RNF144B: variants seen among roughly 807,000 people sequenced by gnomAD.
RNF144B encodes E3 ubiquitin-protein ligase RNF144B.
A neutral mutation model predicts 40.2 loss-of-function variants in RNF144B; 25 were observed. The observed-to-expected ratio is 0.62, with a 90% CI of 0.45 to 0.87. The LOEUF (loss-of-function observed/expected upper bound fraction) is 0.87. Ranked by LOEUF, RNF144B falls within the 40% of genes least tolerant of loss-of-function variation. The probability of loss-of-function intolerance (pLI) is 0.00; values close to 1 mark genes in which losing one functional copy is unlikely to be tolerated. For synonymous variants in RNF144B, 145 were observed against 136.3 expected (o/e 1.06, Z -0.44); for missense variants, 365 against 373.7 (o/e 0.98, Z 0.19).
intron 2 of RNF144B, among the ~76,000 whole-genome samples, chr6:18,403,956 T>A (rs529976991): frequency 5.1e-4 from 78 of 152,246 alleles, no homozygotes; most frequent in Non-Finnish European, 7.2e-4. Context: ...AAGAACTAAT[T>A]CATTCTCGCC....
rs1043206534 is a variant in RNF144B, at chr6:18,418,232, A to G, written c.166-9349A>G. Among the ~76,000 whole-genome samples the G allele has an allele frequency of 3.3e-5, 5 of 152,202 alleles. No homozygotes were observed. Among genetic ancestry groups the G allele is most frequent in the Non-Finnish European group, 7.3e-5 (5 of 68,030 alleles). ...CATATACCATACCTACTCCTAGGTA[A>G]ATATCCAAGAGAAACGAAAATGTAT... is the stretch of plus-strand genomic sequence containing the variant. On this transcript the variant is annotated intron_variant, in intron 2 of 7. Transcript: ENST00000259939. The surrounding 1 kb of genome is among the most constrained non-coding windows in gnomAD (Gnocchi z 5.2).
At chr6:18,439,408 T>C (rs181206226) in intron 3 of RNF144B, among the ~76,000 whole-genome samples, 1 of 152,308 alleles carries the variant, frequency 6.6e-6, no homozygotes. Context: ...AATTTTGTTG[T>C]CTGGTCTTGG....
chr6:18,439,129 A>G (rs1263425247), intron 3 of RNF144B, among the ~76,000 whole-genome samples: 4 of 152,134 alleles, frequency 2.6e-5, no homozygotes, highest in Non-Finnish European at 5.9e-5. Flanking sequence ...TTTCTTTTCT[A>G]CCAGAGTCTG....
At position 18,414,614 on chromosome 6, in the gene RNF144B, T is replaced by G. The variant is rs1429395907; in HGVS notation, c.166-12967T>G. ...TATAGATACGTAGTAGGTATATATA[T>G]GATTAGTTTTAATTAAGATATTATT... On this transcript the variant is annotated intron_variant, in intron 2 of 7. Coordinates refer to ENST00000259939, the MANE Select transcript of RNF144B (RefSeq NM_182757.4). This position sits in a 1 kb window ranked among gnomAD's most constrained non-coding sequence, Gnocchi z 4.9. Among the ~76,000 whole-genome samples the G allele has an allele frequency of 6.6e-6, 1 of 152,154 alleles. No homozygotes were observed. The highest frequency in any genetic ancestry group is 2.4e-5 in the African/African-American group (1 of 41,450).
chr6:18,435,276 G>A (rs1758791683), intron 3 of RNF144B, among the ~76,000 whole-genome samples: 1 of 152,148 alleles, frequency 6.6e-6, no homozygotes, highest in Non-Finnish European at 1.5e-5. Flanking sequence ...CAGGGTAGTG[G>A]TCTCTTGATA....
chr6:18,427,464 G>T, intron 2 of RNF144B, 117 bp from the exon 3 acceptor site: 1 of 602,162 alleles, frequency 1.7e-6, no homozygotes, highest in Non-Finnish European at 2.9e-6. Flanking sequence ...TATGTTTCTT[G>T]AGTACAAGAG....
chr6:18,446,137 C>A lies in RNF144B; in HGVS notation c.331+6393C>A, dbSNP rs774172697. ...TGTGTAGTCCTGTTAGATGCCAGGG[C>A]TGCTGATGTCTGATGACTCTCTGCA... On this transcript the variant is annotated intron_variant, in intron 4 of 7. Coordinates refer to ENST00000259939, the MANE Select transcript of RNF144B (RefSeq NM_182757.4). The surrounding 1 kb of genome is among the most constrained non-coding windows in gnomAD (Gnocchi z 4.7). Among the ~76,000 whole-genome samples the A allele has an allele frequency of 1.3e-5, 2 of 152,176 alleles. No individual in the cohort carries two copies. The highest frequency in any genetic ancestry group is 2.9e-5 in the Non-Finnish European group (2 of 68,038).
chr6:18,423,405 G>A (rs1249696540), intron 2 of RNF144B, among the ~76,000 whole-genome samples: 1 of 152,152 alleles, frequency 6.6e-6, no homozygotes, highest in African/African-American at 2.4e-5. Flanking sequence ...TAGAGAATGA[G>A]GAACTATATA....
Position 18,442,432 on chromosome 6 carries a change from A to G in RNF144B, c.331+2688A>G, listed in dbSNP as rs916496383. Among the ~76,000 whole-genome samples, 1 of 152,198 alleles carries G rather than the reference A, an allele frequency of 6.6e-6. No homozygotes were observed. The highest frequency in any genetic ancestry group is 6.5e-5 in the Admixed American group (1 of 15,286). On this transcript the variant is annotated intron_variant, in intron 4 of 7. Coordinates refer to ENST00000259939, the MANE Select transcript of RNF144B (RefSeq NM_182757.4). The surrounding 1 kb of genome is among the most constrained non-coding windows in gnomAD (Gnocchi z 4.3). ...CAATTCATGTTGTTATTCTTATTTT[A>G]TAGATGAAGAAACTGAAAACAGGAC...
chr6:18,387,685 T>G, intron 1 of RNF144B, 55 bp downstream of exon 1: 1 of 1,263,028 alleles, frequency 7.9e-7, no homozygotes, highest in Non-Finnish European at 1.0e-6. Flanking sequence ...GGAATGGTGT[T>G]GCTGGACTAA....
At chr6:18,433,543 T>C (rs1016369823) in intron 3 of RNF144B, among the ~76,000 whole-genome samples, 4 of 152,226 alleles carry the variant, frequency 2.6e-5, no homozygotes, top group Non-Finnish European at 5.9e-5. Flanking sequence ...ATGTCCCTTT[T>C]TACTTATGAC....
intron 3 of RNF144B, among the ~76,000 whole-genome samples, chr6:18,436,765 T>TAA (rs1758832183): frequency 6.6e-6 from 1 of 152,190 alleles, no homozygotes; most frequent in African/African-American, 2.4e-5. Context: ...CAGCCTGATT[T>TAA]AGTCTTCTAA....
rs533355853 is a variant in RNF144B at position 18,395,869 on chromosome 6, G to A, written c.-36-3630G>A. ...AGCTCATTGCTTGAAAAATGTCTGA[G>A]AGCCATTGCTTTAGGGAATTGGTGT... On this transcript the variant is annotated intron_variant, in intron 1 of 7. Coordinates refer to ENST00000259939, the MANE Select transcript of RNF144B (RefSeq NM_182757.4). This position sits in a 1 kb window ranked among gnomAD's most constrained non-coding sequence, Gnocchi z 4.5. 5.9e-5 allele frequency among the ~76,000 whole-genome samples: 9 copies of A among 152,136 alleles called. No homozygotes were observed. The highest frequency in any genetic ancestry group is 1.0e-4 in the Non-Finnish European group (7 of 68,026).
intron 2 of RNF144B, among the ~76,000 whole-genome samples, 197 bp downstream of exon 2, chr6:18,399,896 A>G (rs537393012): frequency 6.6e-6 from 1 of 152,308 alleles, no homozygotes; most frequent in South Asian, 2.1e-4. Context: ...TTAGCTGAGT[A>G]TAATTTATGT....
intron 4 of RNF144B, among the ~76,000 whole-genome samples, chr6:18,451,237 G>A (rs1450499701): frequency 5.9e-5 from 9 of 152,088 alleles, no homozygotes; most frequent in Non-Finnish European, 1.0e-4. Context: ...GAGGAGGAAA[G>A]CCTCTATTTT....
chr6:18,430,973 T>A (rs1758681314), intron 3 of RNF144B, among the ~76,000 whole-genome samples: 1 of 152,160 alleles, frequency 6.6e-6, no homozygotes, highest in Admixed American at 6.5e-5. Context: ...CCAGGTGCAG[T>A]GGCTCACGCC....
chr6:18,453,326 A>G (rs897199669), intron 4 of RNF144B, among the ~76,000 whole-genome samples: 4 of 151,272 alleles, frequency 2.6e-5, no homozygotes, highest in African/African-American at 9.7e-5. Flanking sequence ...TTTAGTAGAG[A>G]TGGGGTTTCA....
At chr6:18,439,275 A>G (rs1297804399) in intron 3 of RNF144B, among the ~76,000 whole-genome samples, 2 of 152,158 alleles carry the variant, frequency 1.3e-5, no homozygotes, top group Admixed American at 6.6e-5. Flanking sequence ...TGTCTACCTG[A>G]CTTTAGTTTT....
rs1436568567 is a variant in RNF144B, at chr6:18,447,726, G to A, written c.331+7982G>A. ...GATACATCTGGATTATATGAGTCAG[G>A]ATCAGTAGTATAAACTTTGGAATCG... is the stretch of plus-strand genomic sequence containing the variant. On this transcript the variant is annotated intron_variant, in intron 4 of 7. Coordinates refer to ENST00000259939, the MANE Select transcript of RNF144B (RefSeq NM_182757.4). The surrounding 1 kb of genome is among the most constrained non-coding windows in gnomAD (Gnocchi z 5.6). Among the ~76,000 whole-genome samples, 1 of 152,196 alleles carries A rather than the reference G, an allele frequency of 6.6e-6. No homozygotes were observed. The highest frequency in any genetic ancestry group is 1.5e-5 in the Non-Finnish European group (1 of 68,024).
Sources: gnomAD v4.1 joint callset for allele counts (sites outside exome capture counted in the v4.1 genomes callset) on GRCh38, gnomAD v4.1.1 for gene constraint, Gnocchi (gnomAD v3.1) non-coding constraint, MANE v1.5 for transcripts, NCBI Gene and HGNC (gene_info 2026-07-23, HGNC 2026-07-21) for gene names.